Variants in SERPINE3 observed in about 807,000 individuals in gnomAD.
SERPINE3 encodes the protein serpin family E member 3.
SERPINE3 carries 43 observed loss-of-function variants against 41.7 expected under a neutral mutation model. The observed-to-expected ratio is 1.03, with a 90% CI of 0.81 to 1.33. The LOEUF (loss-of-function observed/expected upper bound fraction) is 1.33, where lower values mean the gene tolerates loss of function less well. Among genes scored for constraint, SERPINE3 ranks in the 40% most tolerant of loss-of-function variants. The probability of loss-of-function intolerance (pLI) is 0.00; values close to 1 mark genes in which losing one functional copy is unlikely to be tolerated. For missense variants in SERPINE3, 440 were observed against 491.7 expected (o/e 0.89, Z 0.99); for synonymous variants, 200 against 192.2 (o/e 1.04, Z -0.34).
At chr13:51,345,592 C>CAAAAAAAAA (rs753888958) in intron 4 of SERPINE3, among the ~76,000 whole-genome samples, 6 of 37,034 alleles carry the variant, frequency 1.6e-4, no homozygotes, top group Non-Finnish European at 2.2e-4. Flanking sequence ...GATTTCATCT[C>CAAAAAAAAA]AAAAAAAAAA....
At chr13:51,362,073 A>G in intron 9 of SERPINE3, 180 bp downstream of exon 9, 1 of 1,552,198 alleles carries the variant, frequency 6.4e-7, no homozygotes, top group South Asian at 1.2e-5. Flanking sequence ...CGTAAGTACA[A>G]AGGAAACTTA....
At chr13:51,358,372 TACA>T (rs1334225350) in intron 7 of SERPINE3, among the ~76,000 whole-genome samples, 2 of 152,178 alleles carry the variant, frequency 1.3e-5, no homozygotes, top group African/African-American at 4.8e-5. Context: ...ACAATGTTTA[TACA>T]ACGTCATGTT....
chr13:51,340,812 G>A lies in SERPINE3; in HGVS notation c.-67G>A. ...TTTGCTAAAGTCACACATCCAGTAA[G>A]TGGCCGAAGCAGATCTTCAGACCCA... is the stretch of plus-strand genomic sequence containing the variant. On this transcript the variant is annotated 5_prime_UTR_variant, in exon 2 of 10. The change creates a new upstream start codon in the 5' untranslated region. Transcript: ENST00000681248. The A allele has an allele frequency of 1.9e-6, 1 of 522,686 alleles. No individual in the cohort carries two copies. The highest frequency in any genetic ancestry group is 2.3e-5 in the South Asian group (1 of 43,156). The allele number at this position is 522,686 out of a possible 1,614,324, so 32.4% of individuals were successfully genotyped here. A position where few individuals can be genotyped will look rare whatever the true frequency, so the allele number is the denominator to read the frequency against.
At chr13:51,349,286 A>C (rs983260619) in intron 6 of SERPINE3, among the ~76,000 whole-genome samples, 1 of 152,190 alleles carries the variant, frequency 6.6e-6, no homozygotes, top group Non-Finnish European at 1.5e-5. Flanking sequence ...CACTAGAAGG[A>C]AAAAATACAA....
intron 9 of SERPINE3, 162 bp from the exon 10 acceptor site, chr13:51,364,077 C>A: frequency 5.0e-6 from 2 of 399,230 alleles, no homozygotes; most frequent in Non-Finnish European, 8.8e-6. Flanking sequence ...TTGTGTAACT[C>A]TCAATGAATT....
Position 51,340,815 on chromosome 13 carries a change from G to C in SERPINE3, c.-64G>C. ...GCTAAAGTCACACATCCAGTAAGTG[G>C]CCGAAGCAGATCTTCAGACCCACAG... On this transcript the variant is annotated 5_prime_UTR_variant, in exon 2 of 10. Transcript: ENST00000681248. 1 of 528,250 alleles carries C rather than the reference G, an allele frequency of 1.9e-6. No individual in the cohort carries two copies. Among genetic ancestry groups the C allele is most frequent in the Non-Finnish European group, 3.4e-6 (1 of 293,626 alleles). The allele number at this position is 528,250 out of a possible 1,614,324, so 32.7% of individuals were successfully genotyped here.
intron 7 of SERPINE3, among the ~76,000 whole-genome samples, chr13:51,355,671 T>C (rs892426986): frequency 3.3e-5 from 5 of 152,210 alleles, no homozygotes; most frequent in Non-Finnish European, 4.4e-5. Context: ...ACCAACCACA[T>C]TGAATTTCTT....
Position 51,364,657 on chromosome 13 carries a change from A to G in SERPINE3, c.*375A>G. The G allele has an allele frequency of 6.0e-6, 1 of 167,326 alleles. No individual in the cohort carries two copies. Among genetic ancestry groups the G allele is most frequent in the Non-Finnish European group, 1.3e-5 (1 of 78,314 alleles). 10.4% of individuals were successfully genotyped at this position (167,326 alleles called of 1,614,324 possible). On this transcript the variant is annotated 3_prime_UTR_variant, in exon 10 of 10. Transcript: ENST00000681248. Reference sequence around the variant, plus strand: ...CCTTATCCTGTGAAACTCAGGGGGGATGCAAAATGAGCAAAGTCATCTTAA... The same window carrying G: ...CCTTATCCTGTGAAACTCAGGGGGGGTGCAAAATGAGCAAAGTCATCTTAA...
At chr13:51,359,020 G>A (rs1227952684) in intron 7 of SERPINE3, among the ~76,000 whole-genome samples, 1 of 152,032 alleles carries the variant, frequency 6.6e-6, no homozygotes, top group Non-Finnish European at 1.5e-5. Context: ...GTCCCCTACT[G>A]AAAACAAAAG....
At chr13:51,358,960 T>C (rs1352775127) in intron 7 of SERPINE3, among the ~76,000 whole-genome samples, 1 of 152,102 alleles carries the variant, frequency 6.6e-6, no homozygotes, top group Non-Finnish European at 1.5e-5. Flanking sequence ...GTATTATAAT[T>C]GTCCTGTAGA....
chr13:51,350,037 GC>G (rs1251602312), intron 6 of SERPINE3, among the ~76,000 whole-genome samples: 1 of 152,166 alleles, frequency 6.6e-6, no homozygotes, highest in African/African-American at 2.4e-5. Context: ...CACAAAGTCA[GC>G]TTTTAGGCAG....
chr13:51,361,998 C>T (rs774471026), intron 9 of SERPINE3, 105 bp downstream of exon 9: 14 of 1,609,952 alleles, frequency 8.7e-6, no homozygotes, highest in Non-Finnish European at 1.2e-5. Flanking sequence ...TTCTTTCTAG[C>T]TGTTTTTATG....
At chr13:51,359,885 T>G (rs951030495) in intron 7 of SERPINE3, among the ~76,000 whole-genome samples, 2 of 152,048 alleles carry the variant, frequency 1.3e-5, no homozygotes, top group East Asian at 3.8e-4. Context: ...TTAAAGACCC[T>G]AGAGAAAAAG....
At chr13:51,345,524 G>A (rs1049887029) in intron 4 of SERPINE3, among the ~76,000 whole-genome samples, 6 of 150,046 alleles carry the variant, frequency 4.0e-5, no homozygotes, top group Non-Finnish European at 8.9e-5. Context: ...GAACCCAGGA[G>A]GCAGAGGTTG....
At chr13:51,352,265 G>A (rs1955411235) in intron 6 of SERPINE3, among the ~76,000 whole-genome samples, 1 of 151,868 alleles carries the variant, frequency 6.6e-6, no homozygotes, top group Non-Finnish European at 1.5e-5. Context: ...CTTCCATTTA[G>A]GTCTTTCTTT....
At chr13:51,347,295 G>A (rs1236555325) in intron 5 of SERPINE3, 61 bp downstream of exon 5, 3 of 1,435,052 alleles carry the variant, frequency 2.1e-6, no homozygotes, top group Admixed American at 1.8e-5. Flanking sequence ...GAGGGCAGGA[G>A]AGAGGAGGCC....
intron 9 of SERPINE3, chr13:51,363,037 A>G (rs1177437724): frequency 6.6e-6 from 1 of 151,988 alleles, no homozygotes; most frequent in Non-Finnish European, 1.5e-5. Context: ...CAAAAAAATG[A>G]AAGATGAGAA....
Position 51,364,503 on chromosome 13 carries a change from C to A in SERPINE3, c.*221C>A. The A allele has an allele frequency of 4.6e-6, 2 of 438,698 alleles. No individual in the cohort carries two copies. Among genetic ancestry groups the A allele is most frequent in the Middle Eastern group, 6.1e-4 (1 of 1,648 alleles). 27.2% of individuals were successfully genotyped at this position (438,698 alleles called of 1,614,324 possible). On this transcript the variant is annotated 3_prime_UTR_variant, in exon 10 of 10. Coordinates refer to ENST00000681248, the MANE Select transcript of SERPINE3 (RefSeq NM_001386375.1). ...TTTTGACCTTCTTTTCTACTGCTTACCCCCCAAACCACTAAAAGGCACAGC... is the reference window on the plus strand; with the variant it reads ...TTTTGACCTTCTTTTCTACTGCTTAACCCCCAAACCACTAAAAGGCACAGC...
chr13:51,342,178 CAAAAAAA>C (rs869298134), intron 3 of SERPINE3, among the ~76,000 whole-genome samples: 15 of 63,578 alleles, frequency 2.4e-4, no homozygotes, highest in Non-Finnish European at 3.0e-4. Context: ...AAAGACAGAA[CAAAAAAA>C]AAAAAAAAAA....
Sources: gnomAD v4.1 joint callset for allele counts (sites outside exome capture counted in the v4.1 genomes callset) on GRCh38, gnomAD v4.1.1 for gene constraint, MANE v1.5 for transcripts, NCBI Gene and HGNC (gene_info 2026-07-23, HGNC 2026-07-21) for gene names.